The following IQSEC2 variants were observed in gnomAD, a reference collection of about 807,000 sequenced individuals.
IQSEC2 encodes IQ motif and SEC7 domain-containing protein 2.
Under a neutral mutation model 74.6 loss-of-function variants are expected in IQSEC2, and 6 were observed. That is an observed-to-expected ratio of 0.08 (90% CI 0.04 to 0.16). The LOEUF is 0.16. Among genes scored for constraint, IQSEC2 ranks in the 10% least tolerant of loss-of-function variants. The pLI, the probability that IQSEC2 is intolerant of heterozygous loss-of-function variation, is 1.00. For synonymous variants in IQSEC2, 494 were observed against 544.5 expected, an observed-to-expected ratio of 0.91 and a Z score of 1.29; for missense variants, 734 against 1,306.2, an observed-to-expected ratio of 0.56 and a Z score of 6.75.
intron 1 of IQSEC2, among the ~76,000 whole-genome samples, chrX:53,315,642 A>G (rs1187055529): frequency 7.1e-5 from 8 of 112,180 alleles, no homozygotes; most frequent in Non-Finnish European, 1.5e-4. Context: ...TCATGTGGAG[A>G]TTGAATGAAT....
intron 2 of IQSEC2, among the ~76,000 whole-genome samples, chrX:53,259,188 CAAAA>C (rs56394985): frequency 6.3e-5 from 2 of 31,685 alleles, no homozygotes; most frequent in African/African-American, 1.3e-4. Flanking sequence ...AGACTGTCTC[CAAAA>C]AAAAAAAAAA....
intron 2 of IQSEC2, among the ~76,000 whole-genome samples, chrX:53,277,088 C>A (rs2074846118): frequency 9.0e-6 from 1 of 110,620 alleles, no homozygotes; most frequent in African/African-American, 3.3e-5. Context: ...ATGGGATGAA[C>A]TGGGAAGCTA....
chrX:53,279,509 T>A, intron 2 of IQSEC2: 1 of 747,288 alleles, frequency 1.3e-6, no homozygotes, highest in Non-Finnish European at 2.1e-6. Flanking sequence ...GCAATGACAC[T>A]GTATATTTGT....
At chrX:53,270,814 T>G (rs1320816083) in intron 2 of IQSEC2, among the ~76,000 whole-genome samples, 1 of 109,959 alleles carries the variant, frequency 9.1e-6, no homozygotes, top group Non-Finnish European at 1.9e-5. Context: ...CATCTCCACC[T>G]CCTCCTCTCT....
At chrX:53,319,035 G>T (rs2075404178) in intron 1 of IQSEC2, among the ~76,000 whole-genome samples, 1 of 112,996 alleles carries the variant, frequency 8.8e-6, no homozygotes, top group African/African-American at 3.2e-5. Context: ...GTGTGCTGCA[G>T]TGGAGCCCAG....
At chrX:53,309,915 T>C (rs963587639) in intron 1 of IQSEC2, among the ~76,000 whole-genome samples, 14 of 111,835 alleles carry the variant, frequency 1.3e-4, no homozygotes, top group African/African-American at 4.2e-4. Flanking sequence ...GGAAGAAATA[T>C]ACCAGTTTTC....
In IQSEC2 at chrX:53,255,011, C is replaced by G. The variant is rs1235180862; in HGVS notation, c.1000-80G>C. ...CCCTAGGCACTCAACCACACCACCCCCACTGGAATCATGGCTGACTGCTTA... is the reference window on the plus strand; with the variant it reads ...CCCTAGGCACTCAACCACACCACCCGCACTGGAATCATGGCTGACTGCTTA... On this transcript the variant is annotated intron_variant, in intron 3 of 14. Coordinates refer to ENST00000642864, the MANE Select transcript of IQSEC2 (RefSeq NM_001111125.3). 7 of 1,007,377 alleles carry G rather than the reference C, an allele frequency of 6.9e-6. No individual in the cohort carries two copies. In the Admixed American group the frequency reaches 1.2e-4, roughly 17 times the overall value. The allele number at this position is 1,007,377 out of a possible 1,213,427, so 83.0% of individuals were successfully genotyped here. A position where few individuals can be genotyped will look rare whatever the true frequency, so the allele number is the denominator to read the frequency against.
intron 1 of IQSEC2, among the ~76,000 whole-genome samples, chrX:53,316,534 T>G (rs1408290743): frequency 9.0e-6 from 1 of 110,808 alleles, no homozygotes; most frequent in Admixed American, 9.6e-5. Context: ...CTGCCCTAGC[T>G]GTCAAGAATA....
intron 10 of IQSEC2, among the ~76,000 whole-genome samples, chrX:53,241,091 A>G (rs2074212683): frequency 1.8e-5 from 2 of 109,780 alleles, no homozygotes; most frequent in Admixed American, 9.7e-5. Context: ...ATCTTTTTTA[A>G]ATTTTGTTTT....
At chrX:53,258,611 T>C (rs1476752220) in intron 2 of IQSEC2, among the ~76,000 whole-genome samples, 1 of 110,098 alleles carries the variant, frequency 9.1e-6, no homozygotes, top group East Asian at 2.8e-4. Context: ...TCCCAGCACT[T>C]TGGGAGGCTG....
At position 53,239,350 on chromosome X, in the gene IQSEC2, C is replaced by A. The variant is rs1173498078; in HGVS notation, c.3016-56G>T. The A allele has an allele frequency of 6.9e-6, 5 of 728,301 alleles. No homozygotes were observed. The East Asian group carries it at 9.7e-5, about 14-fold the overall frequency. 60.0% of individuals were successfully genotyped at this position (728,301 alleles called of 1,213,427 possible). ...CAGCGCTTTGGGTGGGGGATTTCCACGTGGCACCTATTTCTGGTAACCACC... is the reference window on the plus strand; with the variant it reads ...CAGCGCTTTGGGTGGGGGATTTCCAAGTGGCACCTATTTCTGGTAACCACC... On this transcript the variant is annotated intron_variant, in intron 10 of 14. Transcript: ENST00000642864.
chrX:53,285,440 A>C (rs1229164264), intron 2 of IQSEC2, among the ~76,000 whole-genome samples: 1 of 112,502 alleles, frequency 8.9e-6, no homozygotes, highest in Non-Finnish European at 1.9e-5. Context: ...ATTTGGGGCA[A>C]GTCATTTTAC....
At chrX:53,269,978 C>T (rs1027674759) in intron 2 of IQSEC2, among the ~76,000 whole-genome samples, 11 of 110,481 alleles carry the variant, frequency 1.0e-4, no homozygotes, top group Admixed American at 1.9e-4. Flanking sequence ...CAATTCTGCT[C>T]TGGCCCTCTT....
intron 1 of IQSEC2, among the ~76,000 whole-genome samples, chrX:53,318,566 G>C (rs1556879604): frequency 8.9e-6 from 1 of 112,525 alleles, no homozygotes; most frequent in Non-Finnish European, 1.9e-5. Context: ...CAGGAATCAT[G>C]CTTCCTCCAG....
At chrX:53,284,299 C>T (rs994309135) in intron 2 of IQSEC2, among the ~76,000 whole-genome samples, 6 of 110,113 alleles carry the variant, frequency 5.4e-5, no homozygotes, top group Non-Finnish European at 9.5e-5. Flanking sequence ...TGGTGGCAGG[C>T]ATCCTAGAAC....
chrX:53,305,594 T>C (rs1176880858), intron 1 of IQSEC2, among the ~76,000 whole-genome samples: 1 of 112,189 alleles, frequency 8.9e-6, no homozygotes, highest in African/African-American at 3.2e-5. Context: ...TTGTGCAAAG[T>C]AGTTCTTCTC....
At chrX:53,289,987 C>G (rs1287283668) in intron 2 of IQSEC2, among the ~76,000 whole-genome samples, 1 of 111,768 alleles carries the variant, frequency 8.9e-6, no homozygotes, top group Non-Finnish European at 1.9e-5. Context: ...ATGGTGATTG[C>G]TATAATTGCT....
At chrX:53,290,149 T>C (rs1356960202) in intron 2 of IQSEC2, among the ~76,000 whole-genome samples, 1 of 111,078 alleles carries the variant, frequency 9.0e-6, no homozygotes, top group Non-Finnish European at 1.9e-5. Flanking sequence ...AATCCACATA[T>C]TAGCTGCCTG....
chrX:53,287,848 A>G (rs2075048385), intron 2 of IQSEC2, among the ~76,000 whole-genome samples: 1 of 110,773 alleles, frequency 9.0e-6, no homozygotes, highest in Non-Finnish European at 1.9e-5. Flanking sequence ...GAGAAGAGAA[A>G]CCTCTTACCC....
Sources: allele counts gnomAD v4.1 joint callset (sites outside exome capture counted in the v4.1 genomes callset), GRCh38; gene constraint gnomAD v4.1.1; transcripts MANE v1.5; gene names NCBI Gene and HGNC (gene_info 2026-07-23, HGNC 2026-07-21).